The following CTBP2 variants were observed in gnomAD, a reference collection of about 807,000 sequenced individuals.
The protein encoded by CTBP2 is C-terminal-binding protein 2.
CTBP2 carries 30 observed loss-of-function variants against 80.3 expected under a neutral mutation model. That is an observed-to-expected ratio of 0.37 (90% confidence interval 0.28 to 0.51). The LOEUF (loss-of-function observed/expected upper bound fraction) is 0.51. Ranked by LOEUF, CTBP2 falls within the 20% of genes least tolerant of loss-of-function variation. The pLI is 0.93. For missense variants in CTBP2, 1,212 were observed against 1,375.3 expected, an observed-to-expected ratio of 0.88 and a Z score of 1.88; for synonymous variants, 594 against 587.4, an observed-to-expected ratio of 1.01 and a Z score of -0.16.
intron 1 of CTBP2, among the ~76,000 whole-genome samples, chr10:125,116,379 A>G (rs1853292483): frequency 6.6e-6 from 1 of 152,118 alleles, no homozygotes; most frequent in Non-Finnish European, 1.5e-5. Flanking sequence ...ACCCATGCTG[A>G]CGGCCTTCTC....
At chr10:125,120,107 G>A (rs985337786) in intron 1 of CTBP2, among the ~76,000 whole-genome samples, 2 of 152,232 alleles carry the variant, frequency 1.3e-5, no homozygotes, top group African/African-American at 2.4e-5. Flanking sequence ...TTGGTGGGCT[G>A]GAGAGACACA....
At chr10:125,128,977 C>G (rs1471757309) in intron 1 of CTBP2, among the ~76,000 whole-genome samples, 1 of 152,146 alleles carries the variant, frequency 6.6e-6, no homozygotes, top group African/African-American at 2.4e-5. Flanking sequence ...TAAAAAGGAA[C>G]AAGAGAATAA....
At chr10:125,149,011 G>T (rs941019528) in intron 1 of CTBP2, among the ~76,000 whole-genome samples, 1 of 152,162 alleles carries the variant, frequency 6.6e-6, no homozygotes, top group African/African-American at 2.4e-5. Context: ...AAACTGGCTC[G>T]CTGGCCTCAG....
intron 2 of CTBP2, among the ~76,000 whole-genome samples, chr10:125,106,615 T>C (rs1851501247): frequency 6.6e-6 from 1 of 152,224 alleles, no homozygotes; most frequent in African/African-American, 2.4e-5. Flanking sequence ...CAGAGACTCC[T>C]GGCCCCGCCA....
intron 2 of CTBP2, among the ~76,000 whole-genome samples, chr10:125,062,577 G>A (rs1458824955): frequency 4.6e-5 from 7 of 152,094 alleles, no homozygotes; most frequent in Middle Eastern, 3.2e-3. Context: ...TAAAAAATAC[G>A]GAGGGACCGG....
chr10:125,032,310 C>A (rs1958326245), upstream of CTBP2, among the ~76,000 whole-genome samples: 1 of 152,212 alleles, frequency 6.6e-6, no homozygotes, highest in Non-Finnish European at 1.5e-5. Flanking sequence ...GCTTTTCCTG[C>A]AGATTCCCAA....
chr10:125,150,908 T>C (rs371679707), intron 1 of CTBP2, among the ~76,000 whole-genome samples: 6 of 147,776 alleles, frequency 4.1e-5, no homozygotes, highest in South Asian at 2.2e-4. Context: ...GATCACAGAC[T>C]CACTATGTCC....
chr10:125,143,932 A>G (rs2133303571), intron 1 of CTBP2, among the ~76,000 whole-genome samples: 1 of 152,104 alleles, frequency 6.6e-6, no homozygotes, highest in Non-Finnish European at 1.5e-5. Flanking sequence ...GCCCCAAAAC[A>G]CCTAGCCCTG....
At chr10:125,034,854 G>A (rs765651419) in intron 3 of CTBP2, among the ~76,000 whole-genome samples, 2 of 152,192 alleles carry the variant, frequency 1.3e-5, no homozygotes, top group Non-Finnish European at 2.9e-5. Flanking sequence ...GAAAGAGAAA[G>A]TCACTCTCTC....
chr10:125,138,106 TAG>T (rs1857231644), intron 1 of CTBP2: 1 of 152,236 alleles, frequency 6.6e-6, no homozygotes, highest in African/African-American at 2.4e-5. Context: ...CGCAAAGCCC[TAG>T]ACACACACAT....
intron 3 of CTBP2, among the ~76,000 whole-genome samples, chr10:125,036,471 G>A (rs934018209): frequency 6.6e-6 from 1 of 151,092 alleles, no homozygotes; most frequent in Non-Finnish European, 1.5e-5. Context: ...AAGCACAGCA[G>A]AACATGGCAG....
At chr10:125,060,201 T>C (rs1964689940) in intron 2 of CTBP2, among the ~76,000 whole-genome samples, 2 of 151,970 alleles carry the variant, frequency 1.3e-5, no homozygotes, top group Non-Finnish European at 2.9e-5. Context: ...AGGCACCGTG[T>C]GCTATTTTTA....
chr10:125,001,582 G>A (rs544103668), intron 3 of CTBP2: 1 of 152,366 alleles, frequency 6.6e-6, no homozygotes, highest in South Asian at 2.1e-4. Context: ...AGGGTGAGGG[G>A]TGGATGTGTG....
At chr10:125,152,394 A>C (rs1860146777) in intron 1 of CTBP2, among the ~76,000 whole-genome samples, 1 of 152,180 alleles carries the variant, frequency 6.6e-6, no homozygotes. Context: ...CGCGCAGGAC[A>C]CCGGAAGTCG....
At chr10:125,014,057 C>G (rs1001768912) in intron 1 of CTBP2, among the ~76,000 whole-genome samples, 5 of 152,208 alleles carry the variant, frequency 3.3e-5, no homozygotes, top group African/African-American at 1.2e-4. Flanking sequence ...CTAGATCTTG[C>G]AGCCTAAAAG....
chr10:125,134,150 A>G (rs1856605943), intron 1 of CTBP2, among the ~76,000 whole-genome samples: 1 of 152,216 alleles, frequency 6.6e-6, no homozygotes, highest in Non-Finnish European at 1.5e-5. Flanking sequence ...GCAAATATTG[A>G]GCAGCCCCAA....
chr10:125,035,783 T>A lies in CTBP2; in HGVS notation c.58+3214A>T, dbSNP rs143819766. On this transcript the variant is annotated intron_variant, in intron 3 of 10. Coordinates refer to the CTBP2 transcript ENST00000337195. ...TGCGATAAAGTAGGTACTAAAACCC[T>A]CCAGCTGGTGCAGTTCACAATGTCA... is the stretch of plus-strand genomic sequence containing the variant. Among the ~76,000 whole-genome samples, 27 of 152,286 alleles carry A rather than the reference T, an allele frequency of 1.8e-4. No individual in the cohort carries two copies. In the East Asian group the frequency reaches 5.0e-3, roughly 28 times the overall value.
intron 3 of CTBP2, among the ~76,000 whole-genome samples, chr10:125,038,093 A>G (rs1363234598): frequency 6.6e-6 from 1 of 152,222 alleles, no homozygotes; most frequent in East Asian, 1.9e-4. Context: ...CTGTGAGGCC[A>G]TGGAGTCACT....
intron 1 of CTBP2, among the ~76,000 whole-genome samples, chr10:125,019,266 G>C (rs571973571): frequency 6.6e-6 from 1 of 152,114 alleles, no homozygotes; most frequent in African/African-American, 2.4e-5. Flanking sequence ...AATCACACTC[G>C]TTTCTACATC....
Sources: gnomAD v4.1 joint callset for allele counts (sites outside exome capture counted in the v4.1 genomes callset) on GRCh38, gnomAD v4.1.1 for gene constraint, MANE v1.5 for transcripts, NCBI Gene and HGNC (gene_info 2026-07-23, HGNC 2026-07-21) for gene names.